Variants in COL28A1 observed in about 807,000 individuals in gnomAD.
COL28A1 encodes the protein collagen alpha-1(XXVIII) chain.
Under a neutral mutation model 150.2 loss-of-function variants are expected in COL28A1, and 161 were observed. The observed-to-expected ratio is 1.07, with a 90% CI of 0.94 to 1.22. COL28A1 has a LOEUF of 1.22. Among genes scored for constraint, COL28A1 ranks in the 50% most tolerant of loss-of-function variants. The pLI is 0.00. For synonymous variants in COL28A1, 552 were observed against 469.7 expected (o/e 1.18, Z -2.26); for missense variants, 1,617 against 1,388.3 (o/e 1.16, Z -2.62).
In COL28A1 at chr7:7,443,484, C is replaced by A. The variant is rs541560476; in HGVS notation, c.1650+101G>T. On this transcript the variant is annotated intron_variant, in intron 20 of 34. Coordinates refer to ENST00000399429, the MANE Select transcript of COL28A1 (RefSeq NM_001037763.3). ...CATACTTTTAAGCCAGACATAAACA[C>A]ATTGACATAGTAAGAATAACAATCA... The A allele has an allele frequency of 7.1e-6, 11 of 1,539,370 alleles. No individual in the cohort carries two copies. In the South Asian group the frequency reaches 1.4e-4, roughly 19 times the overall value.
At chr7:7,448,816 A>C (rs1054825734) in intron 18 of COL28A1, among the ~76,000 whole-genome samples, 1 of 152,140 alleles carries the variant, frequency 6.6e-6, no homozygotes, top group Non-Finnish European at 1.5e-5. Context: ...CATGGATCTT[A>C]GATTTTGCTG....
chr7:7,497,211 T>A (rs147360141), intron 11 of COL28A1, among the ~76,000 whole-genome samples: 3 of 152,234 alleles, frequency 2.0e-5, no homozygotes, highest in Admixed American at 1.3e-4. Flanking sequence ...AGAGGAAGTG[T>A]TGTGTTATAA....
chr7:7,380,889 G>A (rs1165381297), intron 28 of COL28A1, 27 bp from the exon 29 acceptor site: 4 of 1,565,590 alleles, frequency 2.6e-6, no homozygotes, highest in African/African-American at 1.4e-5. Context: ...AAAATGATAG[G>A]TTCAGAATGT....
chr7:7,400,975 G>GTGTGTGTGT (rs1783145948), intron 27 of COL28A1, among the ~76,000 whole-genome samples: 1 of 119,074 alleles, frequency 8.4e-6, no homozygotes, highest in Non-Finnish European at 1.7e-5. Context: ...TGGGTATTTG[G>GTGTGTGTGT]GTGTGTGTGT....
chr7:7,497,659 T>C (rs1780294733), intron 11 of COL28A1, among the ~76,000 whole-genome samples: 1 of 152,236 alleles, frequency 6.6e-6, no homozygotes, highest in Non-Finnish European at 1.5e-5. Flanking sequence ...AAAAGTCATA[T>C]AATTACAATC....
intron 27 of COL28A1, among the ~76,000 whole-genome samples, chr7:7,388,619 A>T (rs199508747): frequency 7.0e-4 from 18 of 25,574 alleles, no homozygotes; most frequent in Admixed American, 3.6e-3. Flanking sequence ...TTACACTCCC[A>T]CCAACACTGT....
chr7:7,437,471 G>A lies in COL28A1; in HGVS notation c.1723-9C>T. 1 of 1,611,702 alleles carries A rather than the reference G, an allele frequency of 6.2e-7. No homozygotes were observed. Among genetic ancestry groups the A allele is most frequent in the African/African-American group, 1.3e-5 (1 of 74,876 alleles). On this transcript the variant is annotated splice_polypyrimidine_tract_variant and intron_variant, in intron 21 of 34. Coordinates refer to ENST00000399429, the MANE Select transcript of COL28A1 (RefSeq NM_001037763.3). Reference sequence around the variant, plus strand: ...ATAATGCCCGGTTCACCCTTAAAAAGAGCAAAATGCTCACTACATTTCAAG... The same window carrying A: ...ATAATGCCCGGTTCACCCTTAAAAAAAGCAAAATGCTCACTACATTTCAAG...
intron 27 of COL28A1, among the ~76,000 whole-genome samples, chr7:7,411,696 C>T (rs1783799649): frequency 6.6e-6 from 1 of 152,202 alleles, no homozygotes; most frequent in African/African-American, 2.4e-5. Context: ...AAGCCCCCTC[C>T]AGCTCTTTGG....
chr7:7,358,422 A>C lies in COL28A1; in HGVS notation c.*211T>G. On this transcript the variant is annotated 3_prime_UTR_variant, in exon 35 of 35. Coordinates refer to ENST00000399429, the MANE Select transcript of COL28A1 (RefSeq NM_001037763.3). ...AAACTTTTTAGTTGGGTGACAGTTG[A>C]CAAGTTACTAAACTTCTCAGAGCCT... 2.2e-6 allele frequency: 1 copy of C among 457,406 alleles called. No individual in the cohort carries two copies. The highest frequency in any genetic ancestry group is 3.8e-6 in the Non-Finnish European group (1 of 261,528). 28.3% of individuals were successfully genotyped at this position (457,406 alleles called of 1,614,324 possible).
chr7:7,343,777 G>A, the COL28A1 span, among the ~76,000 whole-genome samples: 4 of 152,000 alleles, frequency 2.6e-5, no homozygotes, highest in Non-Finnish European at 5.9e-5. Context: ...GGAAGCCAAG[G>A]AGAGAGTATA....
At position 7,520,191 on chromosome 7, in the gene COL28A1, A is replaced by G. The variant is rs1160926150; in HGVS notation, c.760-76T>C. On this transcript the variant is annotated intron_variant, in intron 5 of 34. Transcript: ENST00000399429. ...CTATACTTTATAATAATTTCTGATCAGTTTTGTTTCCTAGAATGAGGGAGA... is the reference window on the plus strand; with the variant it reads ...CTATACTTTATAATAATTTCTGATCGGTTTTGTTTCCTAGAATGAGGGAGA... The G allele has an allele frequency of 1.1e-5, 8 of 726,694 alleles. 1 individual carries two copies. Among genetic ancestry groups the G allele is most frequent in the Non-Finnish European group, 1.6e-5 (7 of 431,094 alleles). The allele number at this position is 726,694 out of a possible 1,614,324, so 45.0% of individuals were successfully genotyped here. A position where few individuals can be genotyped will look rare whatever the true frequency, so the allele number is the denominator to read the frequency against.
At chr7:7,343,575 A>C in the COL28A1 span, among the ~76,000 whole-genome samples, 1 of 152,160 alleles carries the variant, frequency 6.6e-6, no homozygotes, top group African/African-American at 2.4e-5. Flanking sequence ...TACGTAGTTT[A>C]TATAAGTTTT....
At chr7:7,417,969 G>T in intron 26 of COL28A1, 42 bp from the exon 27 acceptor site, 1 of 1,518,932 alleles carries the variant, frequency 6.6e-7, no homozygotes, top group Non-Finnish European at 9.1e-7. Context: ...AATGTAAGAA[G>T]ATCGAAGAAG....
chr7:7,521,939 C>T lies in COL28A1; in HGVS notation c.725G>A (p.Cys242Tyr), dbSNP rs367870927. ...EKKCERKICECEKGDPGDPGP... is the reference protein window; with the variant it reads ...EKKCERKICEYEKGDPGDPGP... The stretch of plus-strand genomic sequence containing the variant: ...TGGATCACCTGGATCTCCCTTCTCA[C>T]ATTCACAAATCTTGCGTTCACACTG... Residue 242 changes from cysteine to tyrosine, a missense_variant, in exon 5 of 35, where the codon TGT becomes TAT. Physicochemically the swap from Cys to Tyr is radical, Grantham distance 194. Coordinates refer to ENST00000399429, the MANE Select transcript of COL28A1 (RefSeq NM_001037763.3). 3 of 1,160,558 alleles carry T rather than the reference C, an allele frequency of 2.6e-6. No individual in the cohort carries two copies. The highest frequency in any genetic ancestry group is 3.0e-5 in the African/African-American group (2 of 66,688). The allele number at this position is 1,160,558 out of a possible 1,614,324, so 71.9% of individuals were successfully genotyped here. A position where few individuals can be genotyped will look rare whatever the true frequency, so the allele number is the denominator to read the frequency against.
chr7:7,443,471 C>A, intron 20 of COL28A1, 114 bp downstream of exon 20: 1 of 1,467,980 alleles, frequency 6.8e-7, no homozygotes. Context: ...TACTTTTAAG[C>A]CAGACATAAA....
chr7:7,341,964 T>A, the COL28A1 span, among the ~76,000 whole-genome samples: 1 of 152,170 alleles, frequency 6.6e-6, no homozygotes, highest in Non-Finnish European at 1.5e-5. Context: ...TTCATCAAAT[T>A]ACTTAATCAT....
At chr7:7,542,345 A>C in the COL28A1 span, among the ~76,000 whole-genome samples, 1 of 152,222 alleles carries the variant, frequency 6.6e-6, no homozygotes, top group Non-Finnish European at 1.5e-5. Flanking sequence ...AGAAAGAAAA[A>C]GAGAAGAAAA....
intron 21 of COL28A1, 125 bp downstream of exon 21, chr7:7,440,665 G>T (rs894273719): frequency 3.6e-5 from 19 of 529,072 alleles, no homozygotes; most frequent in Middle Eastern, 2.8e-4. Context: ...TTATTTTGGG[G>T]TATTTGTTTT....
chr7:7,532,890 A>C lies in COL28A1; in HGVS notation c.-15T>G. On this transcript the variant is annotated 5_prime_UTR_variant, in exon 2 of 35. Coordinates refer to ENST00000399429, the MANE Select transcript of COL28A1 (RefSeq NM_001037763.3). Reference sequence around the variant, plus strand: ...CTGTTCCACATTATGGTAGATGGTGAAAAATCATCTGTCTTGTAGCACCTT... The same window carrying C: ...CTGTTCCACATTATGGTAGATGGTGCAAAATCATCTGTCTTGTAGCACCTT... The C allele has an allele frequency of 5.0e-6, 8 of 1,590,106 alleles. No individual in the cohort carries two copies. The highest frequency in any genetic ancestry group is 6.8e-6 in the Non-Finnish European group (8 of 1,172,932).
Sources: allele counts gnomAD v4.1 joint callset (sites outside exome capture counted in the v4.1 genomes callset), GRCh38; gene constraint gnomAD v4.1.1; transcripts MANE v1.5; gene names NCBI Gene and HGNC (gene_info 2026-07-23, HGNC 2026-07-21).